CCDC192: variants seen among roughly 807,000 people sequenced by gnomAD.
CCDC192 encodes coiled-coil domain-containing protein 192.
At chr5:127,763,424 TA>T (rs768262634) in intron 3 of CCDC192, among the ~76,000 whole-genome samples, 12 of 152,178 alleles carry the variant, frequency 7.9e-5, no homozygotes, top group Non-Finnish European at 1.5e-4. Context: ...CTATCTCCAC[TA>T]TCACCATTTT....
At chr5:127,729,438 A>G (rs1752514120) in intron 2 of CCDC192, among the ~76,000 whole-genome samples, 3 of 152,210 alleles carry the variant, frequency 2.0e-5, no homozygotes, top group African/African-American at 7.2e-5. Context: ...CACACTGTCA[A>G]TATTAGACAG....
intron 5 of CCDC192, among the ~76,000 whole-genome samples, chr5:127,810,014 A>G (rs1270612921): frequency 6.6e-6 from 1 of 152,214 alleles, no homozygotes; most frequent in Non-Finnish European, 1.5e-5. Context: ...CTATTTTCTT[A>G]CATCTGTTCT....
At chr5:127,804,521 C>T (rs964031480) in intron 5 of CCDC192, among the ~76,000 whole-genome samples, 1 of 152,150 alleles carries the variant, frequency 6.6e-6, no homozygotes, top group Non-Finnish European at 1.5e-5. Context: ...CAGAACTGTC[C>T]TAGATCCTCT....
chr5:127,812,171 A>G (rs1367447861), intron 5 of CCDC192, among the ~76,000 whole-genome samples: 3 of 152,220 alleles, frequency 2.0e-5, no homozygotes, highest in African/African-American at 7.2e-5. Flanking sequence ...GGTACCTACA[A>G]CACAATCAAT....
intron 2 of CCDC192, among the ~76,000 whole-genome samples, chr5:127,728,032 T>G (rs1752432120): frequency 6.6e-6 from 1 of 152,146 alleles, no homozygotes; most frequent in African/African-American, 2.4e-5. Flanking sequence ...CTCTGAGGAC[T>G]ATGGGATTAT....
intron 1 of CCDC192, among the ~76,000 whole-genome samples, chr5:127,706,254 C>T (rs982036226): frequency 2.6e-5 from 4 of 151,842 alleles, no homozygotes; most frequent in Non-Finnish European, 4.4e-5. Flanking sequence ...ATTGGCAGGG[C>T]GCAGTGGCTC....
chr5:127,785,789 G>T, intron 3 of CCDC192: 2 of 287,506 alleles, frequency 7.0e-6, no homozygotes, highest in South Asian at 4.7e-5. Context: ...TTGAGCCAAT[G>T]ACTCATGGGA....
intron 3 of CCDC192, chr5:127,786,903 G>T (rs781061448): frequency 7.0e-6 from 3 of 426,520 alleles, no homozygotes; most frequent in East Asian, 9.6e-5. Flanking sequence ...ATGAACATGA[G>T]TGTGGAGCTC....
rs566640286 is a variant in CCDC192, at chr5:127,786,447, C to G, written c.223-10656C>G. The stretch of plus-strand genomic sequence containing the variant: ...CAATTCCATGTAACACTGTACAACT[C>G]CACTCACAGTTTTGTATTGATGGTT... On this transcript the variant is annotated intron_variant, in intron 3 of 6. Transcript: ENST00000514853. The G allele has an allele frequency of 1.6e-5, 10 of 628,252 alleles. No homozygotes were observed. The East Asian group carries it at 2.4e-4, about 15-fold the overall frequency. The allele number at this position is 628,252 out of a possible 1,614,324, so 38.9% of individuals were successfully genotyped here.
At chr5:127,782,993 TG>T (rs1179047927) in intron 3 of CCDC192, among the ~76,000 whole-genome samples, 3 of 146,586 alleles carry the variant, frequency 2.0e-5, no homozygotes, top group Admixed American at 6.9e-5. Flanking sequence ...ATCTTAGAGG[TG>T]GGGTTTTTTT....
intron 2 of CCDC192, among the ~76,000 whole-genome samples, chr5:127,752,804 A>T (rs1036246155): frequency 1.3e-5 from 2 of 152,196 alleles, no homozygotes; most frequent in African/African-American, 4.8e-5. Flanking sequence ...GGTGCGAGAT[A>T]TAATCTCGTG....
chr5:127,776,192 T>C (rs561542219), intron 3 of CCDC192, among the ~76,000 whole-genome samples: 2 of 152,322 alleles, frequency 1.3e-5, no homozygotes, highest in African/African-American at 2.4e-5. Context: ...TTGAATGGCT[T>C]TGACAAAAAT....
intron 2 of CCDC192, among the ~76,000 whole-genome samples, chr5:127,742,676 A>G (rs1344197714): frequency 6.6e-6 from 1 of 152,194 alleles, no homozygotes; most frequent in African/African-American, 2.4e-5. Flanking sequence ...CCAACTTTTC[A>G]ATTTTTTTCA....
chr5:127,923,091 C>G (rs1753768301), intron 6 of CCDC192, among the ~76,000 whole-genome samples: 1 of 152,178 alleles, frequency 6.6e-6, no homozygotes, highest in Admixed American at 6.5e-5. Flanking sequence ...GCCACTAGTT[C>G]AAGACTTGCC....
intron 6 of CCDC192, among the ~76,000 whole-genome samples, chr5:127,931,228 A>C (rs1182326246): frequency 6.6e-6 from 1 of 152,190 alleles, no homozygotes; most frequent in East Asian, 1.9e-4. Context: ...ACCCATAGGA[A>C]GGAAAAGAGA....
intron 3 of CCDC192, among the ~76,000 whole-genome samples, chr5:127,763,568 A>C (rs1755049202): frequency 1.3e-5 from 2 of 152,194 alleles, no homozygotes; most frequent in South Asian, 4.1e-4. Flanking sequence ...TTAAATCTTA[A>C]ATTAGCCTGA....
chr5:127,763,286 G>A (rs949585248), intron 3 of CCDC192, among the ~76,000 whole-genome samples: 1 of 152,156 alleles, frequency 6.6e-6, no homozygotes, highest in Non-Finnish European at 1.5e-5. Context: ...CCCTAGGCCA[G>A]TGATCAGTGC....
chr5:127,756,487 T>C (rs557675300), intron 3 of CCDC192, among the ~76,000 whole-genome samples: 1 of 152,338 alleles, frequency 6.6e-6, no homozygotes, highest in African/African-American at 2.4e-5. Flanking sequence ...CTTCTGTTCC[T>C]GGGTGCGATG....
intron 6 of CCDC192, among the ~76,000 whole-genome samples, chr5:127,897,502 A>G (rs932540843): frequency 1.3e-5 from 2 of 152,230 alleles, no homozygotes; most frequent in Non-Finnish European, 2.9e-5. Flanking sequence ...TGACAGAGCA[A>G]TTCTTGATGT....
Sources: allele counts gnomAD v4.1 joint callset (sites outside exome capture counted in the v4.1 genomes callset), GRCh38; gene constraint gnomAD v4.1.1; transcripts MANE v1.5; gene names NCBI Gene and HGNC (gene_info 2026-07-23, HGNC 2026-07-21).